Variants in STXBP5L observed in about 807,000 individuals in gnomAD.
STXBP5L encodes the protein syntaxin-binding protein 5-like.
Under a neutral mutation model 144.5 loss-of-function variants are expected in STXBP5L, and 65 were observed. That is an observed-to-expected ratio of 0.45 (90% CI 0.37 to 0.55). The LOEUF (loss-of-function observed/expected upper bound fraction) is 0.55. STXBP5L is among the 20% of genes least tolerant of loss of function. STXBP5L has a pLI of 0.00. For synonymous variants in STXBP5L, 505 were observed against 469.6 expected (o/e 1.08, Z -0.97); for missense variants, 1,298 against 1,405.5 (o/e 0.92, Z 1.22).
Position 120,983,539 on chromosome 3 carries a change from C to T in STXBP5L, c.287+28502C>T, listed in dbSNP as rs72966772. ...GGGCTCTCAGACTGGGACTAGGCTACAGCTGCTCAGGGCTCAAAAGCCTGT... is the reference window on the plus strand; with the variant it reads ...GGGCTCTCAGACTGGGACTAGGCTATAGCTGCTCAGGGCTCAAAAGCCTGT... On this transcript the variant is annotated intron_variant, in intron 3 of 26. Coordinates refer to ENST00000471454, the MANE Select transcript of STXBP5L (RefSeq NM_001308330.2). Among the ~76,000 whole-genome samples the T allele has an allele frequency of 2.5e-3, 382 of 152,298 alleles. 2 individuals carry two copies. Among genetic ancestry groups the T allele is most frequent in the African/African-American group, 8.6e-3 (356 of 41,568 alleles).
intron 20 of STXBP5L, among the ~76,000 whole-genome samples, chr3:121,322,337 G>A (rs1036451616): frequency 2.0e-5 from 3 of 152,106 alleles, no homozygotes; most frequent in Non-Finnish European, 4.4e-5. Context: ...AATTAGCCAG[G>A]TGTGGTGGTG....
chr3:121,369,150 T>G (rs1254867413), intron 20 of STXBP5L, among the ~76,000 whole-genome samples: 1 of 152,150 alleles, frequency 6.6e-6, no homozygotes, highest in East Asian at 1.9e-4. Context: ...GGGGCATAGG[T>G]AGCTACTACT....
intron 2 of STXBP5L, among the ~76,000 whole-genome samples, chr3:120,934,362 CTTTG>C: frequency 6.6e-6 from 1 of 151,934 alleles, no homozygotes; most frequent in Non-Finnish European, 1.5e-5. Flanking sequence ...TTAGAGCATA[CTTTG>C]TTTGGTTTCT....
intron 3 of STXBP5L, among the ~76,000 whole-genome samples, chr3:121,023,795 G>A (rs1403533611): frequency 2.0e-5 from 3 of 152,014 alleles, no homozygotes; most frequent in East Asian, 1.9e-4. Flanking sequence ...TCACTCCGTC[G>A]CCCAGGCTGG....
intron 3 of STXBP5L, among the ~76,000 whole-genome samples, chr3:121,019,221 C>G (rs1945367809): frequency 6.6e-6 from 1 of 152,132 alleles, no homozygotes; most frequent in Admixed American, 6.5e-5. Context: ...CACAGCAAGC[C>G]CTGCCCAAGG....
intron 5 of STXBP5L, among the ~76,000 whole-genome samples, chr3:121,066,717 G>C (rs184831283): frequency 6.6e-6 from 1 of 151,930 alleles, no homozygotes; most frequent in Non-Finnish European, 1.5e-5. Context: ...TCACTTCATA[G>C]TTATGTCGAC....
intron 22 of STXBP5L, among the ~76,000 whole-genome samples, chr3:121,398,548 T>C (rs1200078193): frequency 2.6e-5 from 4 of 152,260 alleles, no homozygotes; most frequent in Non-Finnish European, 5.9e-5. Context: ...TTTTACATTT[T>C]AGACATATTT....
chr3:121,381,797 A>T (rs1390737333), intron 22 of STXBP5L, among the ~76,000 whole-genome samples: 2 of 152,142 alleles, frequency 1.3e-5, no homozygotes, highest in Non-Finnish European at 2.9e-5. Context: ...TAAGTTCCTG[A>T]AAAGCACTGA....
intron 3 of STXBP5L, among the ~76,000 whole-genome samples, chr3:121,003,887 G>T (rs113491110): frequency 0.12 from 18,257 of 152,074 alleles, 1,159 homozygotes; most frequent in Non-Finnish European, 0.14. Flanking sequence ...ATTTCTGAGG[G>T]CTCTGTTCTG....
At chr3:121,115,507 T>G (rs1190332414) in intron 6 of STXBP5L, among the ~76,000 whole-genome samples, 2 of 152,124 alleles carry the variant, frequency 1.3e-5, no homozygotes, top group East Asian at 3.8e-4. Flanking sequence ...ATACATAGGT[T>G]TTTTGGGTGT....
At chr3:121,030,521 G>A (rs1281016095) in intron 3 of STXBP5L, among the ~76,000 whole-genome samples, 1 of 152,066 alleles carries the variant, frequency 6.6e-6, no homozygotes, top group Non-Finnish European at 1.5e-5. Context: ...ACACACCGGG[G>A]CATGTTGCGG....
At chr3:121,054,934 A>G (rs1948341132) in intron 5 of STXBP5L, among the ~76,000 whole-genome samples, 1 of 152,066 alleles carries the variant, frequency 6.6e-6, no homozygotes, top group African/African-American at 2.4e-5. Flanking sequence ...CACAATTGGA[A>G]TGTTGAAGGC....
Position 120,914,699 on chromosome 3 carries a change from C to T in STXBP5L, c.189+4932C>T, listed in dbSNP as rs189913305. The stretch of plus-strand genomic sequence containing the variant: ...GTTCCACAGTTATAAAGTTTTCATC[C>T]ATAAAAAGAATAATAGAAGATTCCC... On this transcript the variant is annotated intron_variant, in intron 2 of 26. Coordinates refer to ENST00000471454, the MANE Select transcript of STXBP5L (RefSeq NM_001308330.2). 8.7e-4 allele frequency among the ~76,000 whole-genome samples: 133 copies of T among 152,060 alleles called. 2 individuals are homozygous for T. Among genetic ancestry groups the T allele is most frequent in the African/African-American group, 3.0e-3 (126 of 41,524 alleles).
intron 2 of STXBP5L, among the ~76,000 whole-genome samples, chr3:120,924,387 G>T (rs1430046364): frequency 6.6e-6 from 1 of 152,050 alleles, no homozygotes; most frequent in Non-Finnish European, 1.5e-5. Flanking sequence ...TATTAAAACT[G>T]CAATAATAGA....
At chr3:121,071,978 G>A (rs149197395) in intron 5 of STXBP5L, among the ~76,000 whole-genome samples, 18 of 152,326 alleles carry the variant, frequency 1.2e-4, no homozygotes, top group Non-Finnish European at 2.5e-4. Context: ...TTTAACAGCT[G>A]TTTGAGTGTC....
chr3:121,097,184 C>G (rs373802142), intron 5 of STXBP5L, among the ~76,000 whole-genome samples: 10 of 152,174 alleles, frequency 6.6e-5, no homozygotes, highest in South Asian at 2.1e-4. Context: ...CTCCCCACAC[C>G]AAGCTCAATT....
chr3:121,009,115 G>T (rs916689885), intron 3 of STXBP5L, among the ~76,000 whole-genome samples: 1 of 151,920 alleles, frequency 6.6e-6, no homozygotes, highest in African/African-American at 2.4e-5. Context: ...TGGTCACTCT[G>T]TTCCTCATTA....
rs1001664695 is a variant in STXBP5L, at chr3:121,420,784, T to A, written c.*1687T>A. ...TCAGGTTATTTTATTAGCCAAAAAA[T>A]CGTATTTTTATTTCCTTTTTAGTCT... On this transcript the variant is annotated 3_prime_UTR_variant, in exon 27 of 27. Coordinates refer to ENST00000471454, the MANE Select transcript of STXBP5L (RefSeq NM_001308330.2). 1.3e-5 allele frequency: 2 copies of A among 152,020 alleles called. No individual in the cohort carries two copies. The highest frequency in any genetic ancestry group is 4.8e-5 in the African/African-American group (2 of 41,330). The allele number at this position is 152,020 out of a possible 1,614,324, so 9.4% of individuals were successfully genotyped here.
At chr3:121,411,857 A>C (rs2047121468) in intron 23 of STXBP5L, among the ~76,000 whole-genome samples, 1 of 152,156 alleles carries the variant, frequency 6.6e-6, no homozygotes, top group Non-Finnish European at 1.5e-5. Flanking sequence ...GCCTTAAAGA[A>C]AGACAATAGA....
Sources: allele counts gnomAD v4.1 joint callset (sites outside exome capture counted in the v4.1 genomes callset), GRCh38; gene constraint gnomAD v4.1.1; transcripts MANE v1.5; gene names NCBI Gene and HGNC (gene_info 2026-07-23, HGNC 2026-07-21).